FER: variants seen among roughly 807,000 people sequenced by gnomAD.
FER encodes FER tyrosine kinase.
In FER, 63 loss-of-function variants were observed where a neutral mutation model predicts 111.0. The observed-to-expected ratio is 0.57, with a 90% confidence interval of 0.46 to 0.70. The LOEUF (loss-of-function observed/expected upper bound fraction) is 0.70, where lower values mean the gene tolerates loss of function less well. Among genes scored for constraint, FER ranks in the 30% least tolerant of loss-of-function variants. The pLI, the probability that FER is intolerant of heterozygous loss-of-function variation, is 0.00. For synonymous variants in FER, 327 were observed against 313.9 expected (o/e 1.04, Z -0.44); for missense variants, 914 against 954.0 (o/e 0.96, Z 0.55).
In FER at chr5:109,133,917, T is replaced by C. The variant is rs143485004; in HGVS notation, c.2048+33398T>C. On this transcript the variant is annotated intron_variant, in intron 17 of 19. Coordinates refer to ENST00000281092, the MANE Select transcript of FER (RefSeq NM_005246.4). ...TAAAGACTAGCATTTTAATCACAGA[T>C]GTTATTTTTTACCTCTGATTAATAA... 5.8e-4 allele frequency among the ~76,000 whole-genome samples: 88 copies of C among 152,242 alleles called. 1 individual carries two copies. The East Asian group carries it at 0.016, about 27-fold the overall frequency.
At chr5:108,906,570 G>A (rs1238964033) in intron 10 of FER, among the ~76,000 whole-genome samples, 1 of 151,924 alleles carries the variant, frequency 6.6e-6, no homozygotes, top group Non-Finnish European at 1.5e-5. Flanking sequence ...AGTGTTACTA[G>A]TTTATTAGAA....
At chr5:109,026,467 A>G (rs58751487) in intron 13 of FER, among the ~76,000 whole-genome samples, 3 of 152,272 alleles carry the variant, frequency 2.0e-5, no homozygotes, top group African/African-American at 7.2e-5. Context: ...GATAACTTTA[A>G]TGACAAAGCT....
intron 16 of FER, among the ~76,000 whole-genome samples, chr5:109,096,674 GTGCCTATTCC>G (rs35876701): frequency 0.28 from 42,337 of 151,560 alleles, 6,126 homozygotes; most frequent in Non-Finnish European, 0.32. Context: ...CTTAAGATTT[GTGCCTATTCC>G]TGAACCAATC....
intron 10 of FER, among the ~76,000 whole-genome samples, chr5:108,911,728 CCTCA>C (rs1751578576): frequency 1.3e-5 from 2 of 152,068 alleles, no homozygotes; most frequent in Admixed American, 1.3e-4. Flanking sequence ...GGTAGCCTTT[CCTCA>C]CTGTTTATTT....
intron 17 of FER, among the ~76,000 whole-genome samples, chr5:109,146,929 GTAA>G (rs1045924059): frequency 6.6e-6 from 1 of 152,058 alleles, no homozygotes; most frequent in Admixed American, 6.6e-5. Flanking sequence ...AGAAGATTTA[GTAA>G]TATGATAAGG....
intron 16 of FER, chr5:109,051,766 A>G: frequency 3.8e-6 from 6 of 1,577,376 alleles, no homozygotes; most frequent in Non-Finnish European, 5.2e-6. Flanking sequence ...GCCCTTGAAG[A>G]AAACGTAGAA....
intron 3 of FER, among the ~76,000 whole-genome samples, chr5:108,802,706 C>T (rs1035919836): frequency 1.3e-5 from 2 of 152,002 alleles, no homozygotes; most frequent in Non-Finnish European, 2.9e-5. Flanking sequence ...TTTTTTATGA[C>T]CATATAGTAT....
At chr5:109,088,787 C>T (rs3797846) in intron 16 of FER, among the ~76,000 whole-genome samples, 15,858 of 152,024 alleles carry the variant, frequency 0.1, 829 homozygotes, top group Non-Finnish European at 0.12. Context: ...TCCCTTGAGT[C>T]AGCCAGTATC....
intron 13 of FER, among the ~76,000 whole-genome samples, chr5:108,976,054 C>G (rs1194296193): frequency 6.6e-6 from 1 of 152,102 alleles, no homozygotes; most frequent in African/African-American, 2.4e-5. Flanking sequence ...ATATGGGAGT[C>G]ACCAATATGT....
chr5:108,971,184 G>A (rs1167973856), intron 13 of FER, among the ~76,000 whole-genome samples: 3 of 146,294 alleles, frequency 2.1e-5, no homozygotes, highest in Admixed American at 1.4e-4. Context: ...TAAAATAGGA[G>A]TAGAAACACA....
At chr5:108,984,212 A>T (rs942635091) in intron 13 of FER, among the ~76,000 whole-genome samples, 1 of 152,100 alleles carries the variant, frequency 6.6e-6, no homozygotes, top group Non-Finnish European at 1.5e-5. Flanking sequence ...TACCATTCTT[A>T]TTTCTTAAAA....
At chr5:109,039,289 A>T (rs991538170) in intron 14 of FER, among the ~76,000 whole-genome samples, 1 of 152,010 alleles carries the variant, frequency 6.6e-6, no homozygotes, top group Non-Finnish European at 1.5e-5. Flanking sequence ...GCTATAGTCG[A>T]TAGTTGGTAT....
chr5:108,987,942 G>T lies in FER; in HGVS notation c.1656+28595G>T, dbSNP rs190149443. Among the ~76,000 whole-genome samples, 1,164 of 149,474 alleles carry T rather than the reference G, an allele frequency of 7.8e-3. 11 individuals are homozygous for T. The highest frequency in any genetic ancestry group is 0.028 in the African/African-American group (1,137 of 41,104). ...GTTGGCTGTGGGTTTGTCATAGATGGCTTTTATTACGTTAAGGTATATCCC... is the reference window on the plus strand; with the variant it reads ...GTTGGCTGTGGGTTTGTCATAGATGTCTTTTATTACGTTAAGGTATATCCC... On this transcript the variant is annotated intron_variant, in intron 13 of 19. Transcript: ENST00000281092.
At chr5:109,062,607 T>C (rs1774565572) in intron 16 of FER, among the ~76,000 whole-genome samples, 1 of 152,096 alleles carries the variant, frequency 6.6e-6, no homozygotes, top group African/African-American at 2.4e-5. Context: ...TTTGTTTTCA[T>C]ATATGTGATT....
At chr5:109,133,278 A>G (rs1399099734) in intron 17 of FER, among the ~76,000 whole-genome samples, 1 of 152,180 alleles carries the variant, frequency 6.6e-6, no homozygotes, top group Admixed American at 6.6e-5. Flanking sequence ...AGATATGCAA[A>G]CAATGCTAGA....
intron 1 of FER, among the ~76,000 whole-genome samples, chr5:108,759,819 C>T (rs892054937): frequency 2.6e-5 from 4 of 152,298 alleles, no homozygotes; most frequent in African/African-American, 7.2e-5. Context: ...ACCTAAACAC[C>T]TTCCAAAAGT....
chr5:108,820,119 A>G, intron 3 of FER: 1 of 985,250 alleles, frequency 1.0e-6, no homozygotes, highest in South Asian at 4.7e-5. Flanking sequence ...TCCTAACTAT[A>G]GTTCATTCTT....
In FER at chr5:109,180,902, G is replaced by A; in HGVS notation, c.2203+1G>A. On this transcript the variant is annotated splice_donor_variant, in intron 18 of 19. Coordinates refer to ENST00000281092, the MANE Select transcript of FER (RefSeq NM_005246.4). LOFTEE classifies it high-confidence loss of function. ...ACAGCACCGGAAGCTCTTAATTATG[G>A]TAAGAATAGACCACATTTTTTTTTT... The A allele has an allele frequency of 1.3e-6, 2 of 1,595,702 alleles. No individual in the cohort carries two copies. The highest frequency in any genetic ancestry group is 1.7e-6 in the Non-Finnish European group (2 of 1,174,594).
intron 13 of FER, among the ~76,000 whole-genome samples, chr5:108,963,979 T>A (rs1759476778): frequency 6.6e-6 from 1 of 152,244 alleles, no homozygotes; most frequent in Non-Finnish European, 1.5e-5. Context: ...TATGTTGATG[T>A]CTTACCAATT....
Sources: gnomAD v4.1 joint callset for allele counts (sites outside exome capture counted in the v4.1 genomes callset) on GRCh38, gnomAD v4.1.1 for gene constraint, MANE v1.5 for transcripts, NCBI Gene and HGNC (gene_info 2026-07-23, HGNC 2026-07-21) for gene names.